The following NNT variants were observed in gnomAD, a reference collection of about 807,000 sequenced individuals.
NNT encodes the protein nicotinamide nucleotide transhydrogenase.
In NNT, 50 loss-of-function variants were observed where a neutral mutation model predicts 104.8. That is an observed-to-expected ratio of 0.48 (90% CI 0.38 to 0.60). The LOEUF (loss-of-function observed/expected upper bound fraction) is 0.60. Ranked by LOEUF, NNT falls within the 20% of genes least tolerant of loss-of-function variation. NNT has a pLI of 0.00. For synonymous variants in NNT, 461 were observed against 490.4 expected, an observed-to-expected ratio of 0.94 and a Z score of 0.79; for missense variants, 1,131 against 1,330.7, an observed-to-expected ratio of 0.85 and a Z score of 2.33.
intron 11 of NNT, among the ~76,000 whole-genome samples, chr5:43,649,764 C>T (rs1739656101): frequency 6.6e-6 from 1 of 152,146 alleles, no homozygotes; most frequent in African/African-American, 2.4e-5. Flanking sequence ...GAAAACACAG[C>T]TTTCCAGTGA....
At chr5:43,696,629 G>A (rs558248572) in intron 19 of NNT, among the ~76,000 whole-genome samples, 45 of 152,326 alleles carry the variant, frequency 3.0e-4, no homozygotes, top group African/African-American at 1.0e-3. Flanking sequence ...TTCTCTGTGA[G>A]GGCCCCACCC....
chr5:43,702,893 G>C (rs1303997402), intron 21 of NNT, among the ~76,000 whole-genome samples, 157 bp downstream of exon 21: 1 of 152,174 alleles, frequency 6.6e-6, no homozygotes, highest in Non-Finnish European at 1.5e-5. Context: ...TCCAGCTTCT[G>C]TCTGTTCTCC....
At chr5:43,609,422 G>A in intron 2 of NNT, 76 bp downstream of exon 2, 2 of 1,444,440 alleles carry the variant, frequency 1.4e-6, no homozygotes, top group Non-Finnish European at 9.5e-7. Context: ...TTGATAAAAG[G>A]AAAAGCCATG....
At position 43,656,470 on chromosome 5, in the gene NNT, T is replaced by C. The variant is rs1374956403; in HGVS notation, c.2294-183T>C. On this transcript the variant is annotated intron_variant, in intron 15 of 21. Coordinates refer to ENST00000344920, the MANE Select transcript of NNT (RefSeq NM_182977.3). Reference sequence around the variant, plus strand: ...AGCTGTTTCATTTGCAGACAGCTAATGGAGGAAATTAGTGAACAGAAATTT... The same window carrying C: ...AGCTGTTTCATTTGCAGACAGCTAACGGAGGAAATTAGTGAACAGAAATTT... 3.3e-5 allele frequency among the ~76,000 whole-genome samples: 5 copies of C among 152,272 alleles called. No individual in the cohort carries two copies. In the East Asian group the frequency reaches 9.6e-4, roughly 29 times the overall value.
intron 17 of NNT, among the ~76,000 whole-genome samples, chr5:43,659,726 CAAAAGA>C (rs1740257326): frequency 6.7e-6 from 1 of 149,302 alleles, no homozygotes; most frequent in Non-Finnish European, 1.5e-5. Context: ...GACTCCATCT[CAAAAGA>C]AAAAAAAAAG....
intron 16 of NNT, among the ~76,000 whole-genome samples, 163 bp downstream of exon 16, chr5:43,656,976 A>G (rs1305836807): frequency 6.6e-6 from 1 of 152,224 alleles, no homozygotes; most frequent in Non-Finnish European, 1.5e-5. Flanking sequence ...GAAAACATAG[A>G]AGAGTGTAGG....
At chr5:43,691,070 AGT>A (rs56075202) in intron 19 of NNT, among the ~76,000 whole-genome samples, 40,168 of 137,098 alleles carry the variant, frequency 0.29, 5,738 homozygotes, top group Non-Finnish European at 0.35. Flanking sequence ...TTTTTGAGAG[AGT>A]GTGTGTGTGT....
At chr5:43,652,527 A>ATTT (rs35863403) in intron 13 of NNT, among the ~76,000 whole-genome samples, 1 of 143,354 alleles carries the variant, frequency 7.0e-6, no homozygotes, top group Non-Finnish European at 1.5e-5. Context: ...TGAATGAACA[A>ATTT]TTTTTTTTTT....
At chr5:43,661,312 G>T (rs1740342845) in intron 17 of NNT, among the ~76,000 whole-genome samples, 2 of 152,246 alleles carry the variant, frequency 1.3e-5, no homozygotes, top group African/African-American at 4.8e-5. Flanking sequence ...TTTTGCTTCA[G>T]TTGATGAATT....
Position 43,702,734 on chromosome 5 carries a change from C to A in NNT, c.3109C>A (p.Gln1037Lys). The A allele has an allele frequency of 6.2e-7, 1 of 1,602,732 alleles. No individual in the cohort carries two copies. The highest frequency in any genetic ancestry group is 8.5e-7 in the Non-Finnish European group (1 of 1,172,572). The change falls in exon 21 of 22, where the codon CAG becomes AAG. Residue 1037 changes from glutamine to lysine, a missense_variant and splice_region_variant. Gln to Lys is a moderately conservative substitution (Grantham distance 53, BLOSUM62 1). Coordinates refer to ENST00000344920, the MANE Select transcript of NNT (RefSeq NM_182977.3). ...AGTCCTTGAGGTCTGGAAATCAAAG[C>A]AGGTAAAGTTTCAGACTTGTATTTC... ...MPVLEVWKSK[Q>K]VIVMKRSLGV...
At chr5:43,631,951 G>A (rs1406186050) in intron 7 of NNT, among the ~76,000 whole-genome samples, 3 of 143,496 alleles carry the variant, frequency 2.1e-5, no homozygotes, top group Non-Finnish European at 4.5e-5. Context: ...GCTGAAAAAG[G>A]CCTTCAGTTT....
At chr5:43,665,231 A>AT (rs1740575366) in intron 17 of NNT, among the ~76,000 whole-genome samples, 7 of 146,750 alleles carry the variant, frequency 4.8e-5, no homozygotes, top group African/African-American at 1.3e-4. Context: ...TATTATTATT[A>AT]TTATTATTAT....
At chr5:43,645,649 A>ATC (rs1554049351) in intron 10 of NNT, 139 bp downstream of exon 10, 6 of 141,146 alleles carry the variant, frequency 4.3e-5, no homozygotes, top group African/African-American at 1.2e-4. Flanking sequence ...ACATCTATCT[A>ATC]TCTATCTCTC....
rs758012607 is a variant in NNT at position 43,655,844 on chromosome 5, G to A, written c.2064G>A (p.Leu688=). The change falls in exon 15 of 22, where the codon TTG becomes TTA. Residue 688 remains leucine, a synonymous_variant. Transcript: ENST00000344920. ...GAMALGGTIG[L]TIAKRIQISD... is the part of the protein sequence containing the mutation. ...ATTTTTGACCTTTCATAACAGGATT[G>A]ACAATTGCCAAACGCATCCAGATTT... The A allele has an allele frequency of 3.7e-6, 6 of 1,612,976 alleles. No homozygotes were observed. The highest frequency in any genetic ancestry group is 4.2e-6 in the Non-Finnish European group (5 of 1,179,082).
intron 2 of NNT, among the ~76,000 whole-genome samples, chr5:43,611,844 A>C (rs10461741): frequency 0.034 from 5,196 of 152,282 alleles, 139 homozygotes; most frequent in East Asian, 0.13. Context: ...ATTAAGTAAA[A>C]CATCAGGAGA....
chr5:43,659,078 G>GA, intron 16 of NNT, 93 bp from the exon 17 acceptor site: 1 of 1,275,660 alleles, frequency 7.8e-7, no homozygotes, highest in South Asian at 1.6e-5. Flanking sequence ...ATATTAATGG[G>GA]AAAACTAGAA....
Position 43,609,332 on chromosome 5 carries a change from C to T in NNT, c.137C>T (p.Ala46Val), listed in dbSNP as rs759791282. The change falls in exon 2 of 22, where the codon GCG (alanine) becomes GTG (valine). Residue 46 changes from alanine to valine, a missense_variant. Transcript: ENST00000344920. Reference protein sequence around the residue: ...FYTHQELWCKAPVKPGIPYKQ... With the variant: ...FYTHQELWCKVPVKPGIPYKQ... ...ACTCACCAAGAACTGTGGTGTAAAG[C>T]GCCTGTAAAACCAGGTAAAGTCTCA... The T allele has an allele frequency of 1.1e-5, 17 of 1,613,288 alleles. No individual in the cohort carries two copies. The highest frequency in any genetic ancestry group is 4.5e-5 in the East Asian group (2 of 44,854).
chr5:43,700,613 G>T (rs1297753962), intron 20 of NNT, among the ~76,000 whole-genome samples: 1 of 152,178 alleles, frequency 6.6e-6, no homozygotes, highest in Non-Finnish European at 1.5e-5. Flanking sequence ...TGATAATTTA[G>T]TGTCTGATTC....
intron 19 of NNT, among the ~76,000 whole-genome samples, chr5:43,691,068 AGAGT>A (rs1427025984): frequency 1.2e-4 from 16 of 134,010 alleles, no homozygotes; most frequent in Middle Eastern, 3.9e-3. Context: ...TTTTTTTGAG[AGAGT>A]GTGTGTGTGT....
Sources: gnomAD v4.1 joint callset for allele counts (sites outside exome capture counted in the v4.1 genomes callset) on GRCh38, gnomAD v4.1.1 for gene constraint, MANE v1.5 for transcripts, NCBI Gene and HGNC (gene_info 2026-07-23, HGNC 2026-07-21) for gene names.